The following PCDH15 variants were observed in gnomAD, a reference collection of about 807,000 sequenced individuals.
The protein encoded by PCDH15 is protocadherin-15.
Under a neutral mutation model 178.5 loss-of-function variants are expected in PCDH15, and 129 were observed. That is an observed-to-expected ratio of 0.72 (90% CI 0.63 to 0.84). The LOEUF (loss-of-function observed/expected upper bound fraction) is 0.84, where lower values mean the gene tolerates loss of function less well. Ranked by LOEUF, PCDH15 falls within the 40% of genes least tolerant of loss-of-function variation. The pLI is 0.00. For synonymous variants in PCDH15, 800 were observed against 732.0 expected (o/e 1.09, Z -1.50); for missense variants, 2,230 against 2,099.9 (o/e 1.06, Z -1.21).
chr10:54,037,620 G>A (rs555961268), intron 18 of PCDH15, among the ~76,000 whole-genome samples: 1 of 151,986 alleles, frequency 6.6e-6, no homozygotes, highest in South Asian at 2.1e-4. Context: ...TATATGCACT[G>A]GGAAACCTAA....
intron 3 of PCDH15, among the ~76,000 whole-genome samples, chr10:54,460,797 T>C (rs2077119376): frequency 6.6e-6 from 1 of 152,120 alleles, no homozygotes; most frequent in African/African-American, 2.4e-5. Flanking sequence ...TGAAGGATGA[T>C]ATGAATTTTG....
At chr10:55,230,939 G>T (rs1160117429) in intron 1 of PCDH15, among the ~76,000 whole-genome samples, 1 of 151,924 alleles carries the variant, frequency 6.6e-6, no homozygotes, top group Non-Finnish European at 1.5e-5. Context: ...TATTTTAGAG[G>T]TGGAAAAGAT....
intron 2 of PCDH15, among the ~76,000 whole-genome samples, chr10:55,004,348 C>T (rs1839871460): frequency 6.6e-6 from 1 of 151,984 alleles, no homozygotes; most frequent in Admixed American, 6.6e-5. Context: ...TGAAACTGGC[C>T]CAATTGTTTC....
intron 2 of PCDH15, among the ~76,000 whole-genome samples, chr10:54,961,855 G>A (rs1164656049): frequency 6.6e-6 from 1 of 152,024 alleles, no homozygotes; most frequent in African/African-American, 2.4e-5. Context: ...TGACCTGTCT[G>A]CAGATAGGAA....
chr10:54,021,321 G>A (rs2092913922), intron 19 of PCDH15, among the ~76,000 whole-genome samples: 1 of 151,956 alleles, frequency 6.6e-6, no homozygotes, highest in Non-Finnish European at 1.5e-5. Context: ...ATTTTTAAAT[G>A]CAAACACCTC....
intron 22 of PCDH15, 76 bp downstream of exon 22, chr10:53,961,676 G>T: frequency 9.5e-7 from 1 of 1,049,350 alleles, no homozygotes; most frequent in Non-Finnish European, 1.3e-6. Flanking sequence ...AAAAAAATGT[G>T]CTGTCATCTG....
In PCDH15 at chr10:54,166,534, G is replaced by A. The variant is rs113629778; in HGVS notation, c.1591-13241C>T. 2.7e-3 allele frequency among the ~76,000 whole-genome samples: 418 copies of A among 152,296 alleles called. 1 individual carries two copies. The highest frequency in any genetic ancestry group is 9.5e-3 in the African/African-American group (395 of 41,570). ...GTTTGTTTCCTTTGCCAAACTGGAT[G>A]AGCAAGTTTACTAGGGTTTTAAGAA... On this transcript the variant is annotated intron_variant, in intron 13 of 37. Coordinates refer to ENST00000644397, the MANE Select transcript of PCDH15 (RefSeq NM_001384140.1).
chr10:54,981,245 C>T (rs748370480), intron 2 of PCDH15, among the ~76,000 whole-genome samples: 5 of 152,114 alleles, frequency 3.3e-5, no homozygotes, highest in Non-Finnish European at 4.4e-5. Flanking sequence ...CCCCTTCTCT[C>T]GTCAATGTAA....
chr10:55,562,537 A>G (rs527718276), intron 2 of PCDH15, among the ~76,000 whole-genome samples: 4 of 152,100 alleles, frequency 2.6e-5, no homozygotes, highest in African/African-American at 9.6e-5. Context: ...CTTAGTTGAG[A>G]AATGTGTCGT....
intron 2 of PCDH15, among the ~76,000 whole-genome samples, chr10:54,621,690 T>G (rs1374531088): frequency 6.6e-6 from 1 of 152,040 alleles, no homozygotes; most frequent in Non-Finnish European, 1.5e-5. Context: ...CTCCTTAGAT[T>G]TTCTCCTCAA....
At chr10:55,101,983 C>A (rs79014862) in intron 2 of PCDH15, among the ~76,000 whole-genome samples, 1 of 151,602 alleles carries the variant, frequency 6.6e-6, no homozygotes, top group African/African-American at 2.4e-5. Context: ...AAATCCACTG[C>A]GATGAAAAGT....
At chr10:54,428,300 C>T (rs570756445) in intron 3 of PCDH15, among the ~76,000 whole-genome samples, 1 of 152,164 alleles carries the variant, frequency 6.6e-6, no homozygotes, top group Non-Finnish European at 1.5e-5. Context: ...CAATTTGGGA[C>T]AACTCTGAAA....
intron 3 of PCDH15, among the ~76,000 whole-genome samples, chr10:54,527,611 G>A (rs1373904069): frequency 1.3e-5 from 2 of 152,032 alleles, no homozygotes; most frequent in Non-Finnish European, 2.9e-5. Context: ...TATATTAATT[G>A]AATGAGACTT....
intron 2 of PCDH15, among the ~76,000 whole-genome samples, chr10:55,157,275 G>C (rs2132108381): frequency 6.6e-6 from 1 of 151,782 alleles, no homozygotes; most frequent in Non-Finnish European, 1.5e-5. Flanking sequence ...ACACCAGTTA[G>C]AATGGTGATC....
intron 13 of PCDH15, among the ~76,000 whole-genome samples, chr10:54,168,555 A>G (rs2046512659): frequency 6.6e-6 from 1 of 152,186 alleles, no homozygotes; most frequent in Non-Finnish European, 1.5e-5. Flanking sequence ...TTCCGTGACT[A>G]GCCCTCCCCC....
chr10:54,750,596 A>G (rs1946097915), intron 1 of PCDH15, among the ~76,000 whole-genome samples: 2 of 152,156 alleles, frequency 1.3e-5, no homozygotes, highest in South Asian at 4.1e-4. Flanking sequence ...AGTTGGAGGC[A>G]ATTCAAACAT....
chr10:55,311,279 A>G (rs1843580046), intron 1 of PCDH15, among the ~76,000 whole-genome samples: 1 of 152,078 alleles, frequency 6.6e-6, no homozygotes, highest in South Asian at 2.1e-4. Flanking sequence ...CTTTTATCTC[A>G]TAAGGATCAG....
At chr10:55,204,038 C>T (rs1216114808) in intron 1 of PCDH15, among the ~76,000 whole-genome samples, 1 of 151,318 alleles carries the variant, frequency 6.6e-6, no homozygotes, top group African/African-American at 2.4e-5. Flanking sequence ...TAGTGAGATC[C>T]TGTCTCTATT....
At chr10:53,871,514 A>G (rs552969322) in intron 26 of PCDH15, among the ~76,000 whole-genome samples, 223 of 151,174 alleles carry the variant, frequency 1.5e-3, no homozygotes, top group African/African-American at 5.3e-3. Flanking sequence ...GACCAAGTCC[A>G]GTGTAACTAT....
Sources: allele counts gnomAD v4.1 joint callset (sites outside exome capture counted in the v4.1 genomes callset), GRCh38; gene constraint gnomAD v4.1.1; transcripts MANE v1.5; gene names NCBI Gene and HGNC (gene_info 2026-07-23, HGNC 2026-07-21).